The following SHROOM3 variants were observed in gnomAD, a reference collection of about 807,000 sequenced individuals.
The protein encoded by SHROOM3 is shroom family member 3.
SHROOM3 carries 47 observed loss-of-function variants against 138.6 expected under a neutral mutation model. That is an observed-to-expected ratio of 0.34 (90% CI 0.27 to 0.43). SHROOM3 has a LOEUF of 0.43. Among genes scored for constraint, SHROOM3 ranks in the 20% least tolerant of loss-of-function variants. The pLI is 1.00. For missense variants in SHROOM3, 2,491 were observed against 2,596.5 expected (o/e 0.96, Z 0.88); for synonymous variants, 1,062 against 1,063.3 (o/e 1.00, Z 0.02).
At chr4:76,570,156 A>AAC (rs57079760) in intron 2 of SHROOM3, among the ~76,000 whole-genome samples, 27,908 of 149,342 alleles carry the variant, frequency 0.19, 2,632 homozygotes, top group East Asian at 0.23. Flanking sequence ...GAAATGTTAA[A>AAC]ACACACACAC....
Position 76,780,396 on chromosome 4 carries a change from G to A in SHROOM3, c.*1219G>A, listed in dbSNP as rs963662700. The A allele has an allele frequency of 6.6e-5, 10 of 152,322 alleles. 1 individual carries two copies. In the East Asian group the frequency reaches 1.9e-3, roughly 29 times the overall value. The allele number at this position is 152,322 out of a possible 1,614,324, so 9.4% of individuals were successfully genotyped here. ...GGCAGTAGCCTTATACTTTGAGCAGGTAGTACATCCCAGGCTGTGCTAGAG... is the reference window on the plus strand; with the variant it reads ...GGCAGTAGCCTTATACTTTGAGCAGATAGTACATCCCAGGCTGTGCTAGAG... On this transcript the variant is annotated 3_prime_UTR_variant, in exon 11 of 11. Transcript: ENST00000296043.
intron 2 of SHROOM3, among the ~76,000 whole-genome samples, chr4:76,578,453 G>A (rs758741916): frequency 7.2e-5 from 11 of 152,310 alleles, no homozygotes; most frequent in Admixed American, 2.0e-4. Context: ...AATCACCAGA[G>A]CTCTTGGCTA....
chr4:76,540,698 A>G (rs1038376892), intron 1 of SHROOM3, among the ~76,000 whole-genome samples: 20 of 152,318 alleles, frequency 1.3e-4, no homozygotes, highest in African/African-American at 4.6e-4. Flanking sequence ...TAGATGATCA[A>G]ATATTTAAAA....
chr4:76,566,191 A>G (rs892289928), intron 2 of SHROOM3, among the ~76,000 whole-genome samples: 3 of 151,658 alleles, frequency 2.0e-5, no homozygotes, highest in African/African-American at 7.3e-5. Context: ...TTTTCTTGTC[A>G]TTCTTCCCTA....
intron 1 of SHROOM3, among the ~76,000 whole-genome samples, chr4:76,454,296 G>A (rs1188102521): frequency 6.6e-6 from 1 of 152,144 alleles, no homozygotes; most frequent in Non-Finnish European, 1.5e-5. Flanking sequence ...CACCCGCCTT[G>A]GCCTCACAAA....
intron 1 of SHROOM3, among the ~76,000 whole-genome samples, chr4:76,553,611 C>T (rs1733414626): frequency 6.6e-6 from 1 of 152,082 alleles, no homozygotes; most frequent in South Asian, 2.1e-4. Context: ...CCACTTCAGC[C>T]TCCCAACTAG....
At chr4:76,572,207 T>C (rs1485265648) in intron 2 of SHROOM3, among the ~76,000 whole-genome samples, 1 of 152,204 alleles carries the variant, frequency 6.6e-6, no homozygotes, top group East Asian at 1.9e-4. Context: ...CAATACAATC[T>C]TGCACTAACA....
chr4:76,720,151 GTTTTTTTTTTTTT>G lies in SHROOM3; in HGVS notation c.455+9881_455+9893del, dbSNP rs59839066. On this transcript the variant is annotated intron_variant, in intron 3 of 10. Coordinates refer to ENST00000296043, the MANE Select transcript of SHROOM3 (RefSeq NM_020859.4). ...AAAGCCTTGGAAAAGTGTTTTTTAG[GTTTTTTTTTTTTT>G]TTTTTTTTTTTTTTTTGTGAATCCA... Among the ~76,000 whole-genome samples, 13 of 83,018 alleles carry G rather than the reference GTTTTTTTTTTTTT, an allele frequency of 1.6e-4. 1 individual carries two copies. In the East Asian group the frequency reaches 2.6e-3, roughly 16 times the overall value. 54.5% of individuals were successfully genotyped at this position (83,018 alleles called of 152,430 possible). A position where few individuals can be genotyped will look rare whatever the true frequency, so the allele number is the denominator to read the frequency against.
intron 10 of SHROOM3, among the ~76,000 whole-genome samples, chr4:76,773,236 GTGT>G: frequency 4.0e-5 from 6 of 151,836 alleles, no homozygotes; most frequent in African/African-American, 9.7e-5. Flanking sequence ...TTAACCAGGT[GTGT>G]GGCGGGTGCC....
chr4:76,672,776 G>A (rs539178128), intron 2 of SHROOM3, among the ~76,000 whole-genome samples: 1 of 152,248 alleles, frequency 6.6e-6, no homozygotes, highest in African/African-American at 2.4e-5. Context: ...GTTTCACCAT[G>A]TTAGCCAGGA....
chr4:76,778,897 T>G lies in SHROOM3; in HGVS notation c.5711T>G (p.Val1904Gly). ...LKENLDRRER[V>G]VLGILANYLS... Reference sequence around the variant, plus strand: ...GAGAACCTGGATCGCAGGGAGCGAGTAGTGCTGGGCATCTTGGCCAATTAC... The same window carrying G: ...GAGAACCTGGATCGCAGGGAGCGAGGAGTGCTGGGCATCTTGGCCAATTAC... Residue 1904 changes from valine to glycine, a missense_variant, in exon 11 of 11, where the codon GTA (valine) becomes GGA (glycine). Physicochemically the swap from Val to Gly is moderately radical, Grantham distance 109. Transcript: ENST00000296043. 6.2e-7 allele frequency: 1 copy of G among 1,613,202 alleles called. No individual in the cohort carries two copies. The highest frequency in any genetic ancestry group is 8.5e-7 in the Non-Finnish European group (1 of 1,179,982).
chr4:76,532,081 T>C (rs1732841352), intron 1 of SHROOM3: 1 of 109,204 alleles, frequency 9.2e-6, no homozygotes, highest in Non-Finnish European at 1.7e-5. Flanking sequence ...TGACAGGCCC[T>C]GGTGTCTGAT....
chr4:76,509,080 A>G (rs1430495034), intron 1 of SHROOM3, among the ~76,000 whole-genome samples: 2 of 152,228 alleles, frequency 1.3e-5, no homozygotes, highest in Non-Finnish European at 2.9e-5. Flanking sequence ...CATACTGACT[A>G]TTAGATCCTA....
chr4:76,770,648 C>T lies in SHROOM3; in HGVS notation c.5372C>T (p.Thr1791Ile). The change falls in exon 10 of 11, where the codon ACC becomes ATC. Residue 1791 changes from threonine (T) to isoleucine (I), a missense_variant. By Grantham distance (89) the Thr-to-Ile change is moderately conservative. Transcript: ENST00000296043. ...EKKAELIGSL[T>I]HKLETLQEAK... ...CAGGCTGAGCTCATTGGAAGTCTCA[C>T]CCACAAGCTGGAGACCCTCCAGGAG... 6.2e-7 allele frequency: 1 copy of T among 1,614,120 alleles called. No individual in the cohort carries two copies. The highest frequency in any genetic ancestry group is 8.5e-7 in the Non-Finnish European group (1 of 1,180,036).
intron 1 of SHROOM3, among the ~76,000 whole-genome samples, chr4:76,550,085 G>A (rs1274642316): frequency 6.6e-6 from 1 of 150,944 alleles, no homozygotes; most frequent in East Asian, 1.9e-4. Flanking sequence ...TTTTGTGTGT[G>A]CGTTTTAATT....
intron 3 of SHROOM3, among the ~76,000 whole-genome samples, chr4:76,715,498 A>G (rs998710854): frequency 1.1e-4 from 16 of 152,194 alleles, no homozygotes; most frequent in African/African-American, 3.9e-4. Flanking sequence ...TAGGGTAATG[A>G]GTCGGTAAAG....
chr4:76,743,788 T>C (rs1035578230), intron 5 of SHROOM3, among the ~76,000 whole-genome samples: 2 of 152,260 alleles, frequency 1.3e-5, no homozygotes, highest in Non-Finnish European at 2.9e-5. Context: ...AAGCCTTCAG[T>C]AGCCTTTTCC....
At chr4:76,523,013 A>T (rs1732598422) in intron 1 of SHROOM3, among the ~76,000 whole-genome samples, 1 of 152,198 alleles carries the variant, frequency 6.6e-6, no homozygotes, top group Non-Finnish European at 1.5e-5. Flanking sequence ...AGGTAGCTAA[A>T]AACAAAAGAA....
intron 1 of SHROOM3, among the ~76,000 whole-genome samples, chr4:76,492,101 G>A (rs996673397): frequency 3.9e-5 from 6 of 152,222 alleles, no homozygotes; most frequent in Non-Finnish European, 8.8e-5. Context: ...AGTGCAATGT[G>A]CTTCTCAAAT....
Sources: gnomAD v4.1 joint callset for allele counts (sites outside exome capture counted in the v4.1 genomes callset) on GRCh38, gnomAD v4.1.1 for gene constraint, MANE v1.5 for transcripts, NCBI Gene and HGNC (gene_info 2026-07-23, HGNC 2026-07-21) for gene names.